CHKA: variants seen among roughly 807,000 people sequenced by gnomAD.
CHKA encodes choline kinase alpha.
A neutral mutation model predicts 60.1 loss-of-function variants in CHKA; 34 were observed. The observed-to-expected ratio is 0.57, with a 90% CI of 0.43 to 0.75. The LOEUF (loss-of-function observed/expected upper bound fraction) is 0.75, where lower values mean the gene tolerates loss of function less well. Among genes scored for constraint, CHKA ranks in the 30% least tolerant of loss-of-function variants. The pLI, the probability that CHKA is intolerant of heterozygous loss-of-function variation, is 0.00. For synonymous variants in CHKA, 217 were observed against 223.1 expected, an observed-to-expected ratio of 0.97 and a Z score of 0.24; for missense variants, 563 against 561.3, an observed-to-expected ratio of 1.00 and a Z score of -0.03.
intron 1 of CHKA, among the ~76,000 whole-genome samples, chr11:68,113,410 T>A (rs1282599315): frequency 6.6e-6 from 1 of 152,022 alleles, no homozygotes; most frequent in Non-Finnish European, 1.5e-5. Context: ...TAAAATAAGA[T>A]ACCTGACTGG....
chr11:68,105,239 G>A (rs925998614), intron 1 of CHKA, among the ~76,000 whole-genome samples: 4 of 151,746 alleles, frequency 2.6e-5, no homozygotes, highest in Admixed American at 6.6e-5. Flanking sequence ...TCTCTAGGCC[G>A]GACATGGTGG....
chr11:68,085,505 G>A (rs1438020691), intron 2 of CHKA, among the ~76,000 whole-genome samples: 1 of 152,030 alleles, frequency 6.6e-6, no homozygotes, highest in Non-Finnish European at 1.5e-5. Context: ...ACAGGCATGA[G>A]CCACCATGAC....
intron 9 of CHKA, among the ~76,000 whole-genome samples, chr11:68,065,494 G>C (rs927701923): frequency 1.3e-5 from 2 of 152,216 alleles, no homozygotes; most frequent in African/African-American, 4.8e-5. Context: ...GAGCCCAGGA[G>C]TTTGAGACCA....
intron 1 of CHKA, among the ~76,000 whole-genome samples, chr11:68,114,133 A>G (rs1404766775): frequency 3.9e-5 from 6 of 152,182 alleles, no homozygotes; most frequent in Non-Finnish European, 8.8e-5. Context: ...AGGAATGCAA[A>G]ATGTTACAGC....
At chr11:68,104,075 A>G (rs1269391911) in intron 1 of CHKA, among the ~76,000 whole-genome samples, 1 of 152,210 alleles carries the variant, frequency 6.6e-6, no homozygotes, top group Non-Finnish European at 1.5e-5. Flanking sequence ...AATTGATTAT[A>G]GAATAAATGT....
intron 7 of CHKA, among the ~76,000 whole-genome samples, chr11:68,068,417 T>C (rs932451727): frequency 7.9e-5 from 12 of 152,116 alleles, no homozygotes; most frequent in East Asian, 3.9e-4. Flanking sequence ...ATTTCTTCCA[T>C]GTAATTTTTT....
chr11:68,059,538 G>A (rs559726675), intron 11 of CHKA, among the ~76,000 whole-genome samples: 4 of 152,122 alleles, frequency 2.6e-5, no homozygotes, highest in South Asian at 2.1e-4. Context: ...CTACAAAGCC[G>A]TAAGTTTCTA....
chr11:68,074,592 A>G (rs1197899586), intron 4 of CHKA, 125 bp downstream of exon 4: 3 of 777,390 alleles, frequency 3.9e-6, no homozygotes, highest in African/African-American at 3.4e-5. Flanking sequence ...TTTCTGATAC[A>G]GTTTAATGAC....
At chr11:68,061,238 C>A (rs1348150257) in intron 11 of CHKA, among the ~76,000 whole-genome samples, 1 of 151,164 alleles carries the variant, frequency 6.6e-6, no homozygotes, top group Non-Finnish European at 1.5e-5. Flanking sequence ...TCTTGAGTAG[C>A]TGGGATTACA....
At chr11:68,078,596 T>G (rs1385395752) in intron 3 of CHKA, among the ~76,000 whole-genome samples, 1 of 152,184 alleles carries the variant, frequency 6.6e-6, no homozygotes, top group East Asian at 1.9e-4. Context: ...TTCATTTATT[T>G]AAAACCCAGG....
intron 1 of CHKA, among the ~76,000 whole-genome samples, chr11:68,102,978 A>AT (rs1354091209): frequency 1.6e-4 from 24 of 152,138 alleles, no homozygotes; most frequent in African/African-American, 5.8e-4. Context: ...TGTTTAAAAA[A>AT]AAAAAAATAT....
rs1050879338 is a variant in CHKA at position 68,096,838 on chromosome 11, G to A, written c.462+181C>T. 1.4e-4 allele frequency among the ~76,000 whole-genome samples: 21 copies of A among 152,192 alleles called. No homozygotes were observed. In the South Asian group the frequency reaches 3.9e-3, roughly 29 times the overall value. On this transcript the variant is annotated intron_variant, in intron 2 of 11. Coordinates refer to ENST00000265689, the MANE Select transcript of CHKA (RefSeq NM_001277.3). The stretch of plus-strand genomic sequence containing the variant: ...AATAAATAATAACTAAAAAAAACAC[G>A]AATTAACTTAGAATGCAAACCAAGC...
chr11:68,115,090 T>C (rs548605415), intron 1 of CHKA, among the ~76,000 whole-genome samples: 1 of 152,342 alleles, frequency 6.6e-6, no homozygotes, highest in African/African-American at 2.4e-5. Flanking sequence ...ATCAATAAAT[T>C]ACATGAAATA....
At chr11:68,063,921 G>GT (rs1856343842) in intron 10 of CHKA, among the ~76,000 whole-genome samples, 1 of 152,176 alleles carries the variant, frequency 6.6e-6, no homozygotes, top group African/African-American at 2.4e-5. Flanking sequence ...ATGCAGAACT[G>GT]TGAGTCAATT....
chr11:68,120,892 T>C lies in CHKA; in HGVS notation c.286A>G (p.Lys96Glu), dbSNP rs767014920. 1.5e-6 allele frequency: 2 copies of C among 1,343,854 alleles called. No individual in the cohort carries two copies. Among genetic ancestry groups the C allele is most frequent in the East Asian group, 3.6e-5 (1 of 27,686 alleles). The allele number at this position is 1,343,854 out of a possible 1,614,324, so 83.2% of individuals were successfully genotyped here. A position where few individuals can be genotyped will look rare whatever the true frequency, so the allele number is the denominator to read the frequency against. Residue 96 changes from lysine (K) to glutamate (E), a missense_variant, in exon 1 of 12, where the codon AAG becomes GAG. Lys to Glu is a moderately conservative substitution (Grantham distance 56, BLOSUM62 1). Transcript: ENST00000265689. The part of the protein sequence containing the change: ...RTRRRAYLWC[K>E]EFLPGAWRGL... ...CGCCAGGCGCCGGGCAGGAACTCCT[T>C]GCACCACAGATAGGCCCTGCGCCGC...
intron 1 of CHKA, among the ~76,000 whole-genome samples, chr11:68,105,217 T>C (rs947863856): frequency 2.0e-5 from 3 of 149,986 alleles, no homozygotes; most frequent in Non-Finnish European, 3.0e-5. Flanking sequence ...CCCAAGGTCT[T>C]GAAATATGTC....
At position 68,066,546 on chromosome 11, in the gene CHKA, G is replaced by A. The variant is rs368978315; in HGVS notation, c.929-30C>T. ...AAAAGGTTTGGATAACATGGTTTAT[G>A]TTTTACAATAGAAGGCTCAAGTCCT... On this transcript the variant is annotated intron_variant, in intron 7 of 11. Transcript: ENST00000265689. The A allele has an allele frequency of 4.2e-5, 65 of 1,547,050 alleles. No homozygotes were observed. The Middle Eastern group carries it at 1.8e-3, about 44-fold the overall frequency.
intron 2 of CHKA, among the ~76,000 whole-genome samples, chr11:68,085,086 G>C (rs1857137958): frequency 6.6e-6 from 1 of 151,866 alleles, no homozygotes; most frequent in African/African-American, 2.4e-5. Context: ...TCCTATTTTG[G>C]GCTTAGTTTT....
intron 3 of CHKA, 71 bp downstream of exon 3, chr11:68,081,333 C>A: frequency 7.9e-7 from 1 of 1,270,362 alleles, no homozygotes; most frequent in Non-Finnish European, 1.1e-6. Context: ...CACTGCCAAG[C>A]CCTGGAGTAG....
Sources: gnomAD v4.1 joint callset for allele counts (sites outside exome capture counted in the v4.1 genomes callset) on GRCh38, gnomAD v4.1.1 for gene constraint, MANE v1.5 for transcripts, NCBI Gene and HGNC (gene_info 2026-07-23, HGNC 2026-07-21) for gene names.